ZNF329: variants seen among roughly 807,000 people sequenced by gnomAD.
ZNF329 encodes the protein zinc finger protein 329.
A neutral mutation model predicts 26.6 loss-of-function variants in ZNF329; 15 were observed. The ratio of observed to expected loss-of-function variants is 0.56; its 90% CI spans 0.38 to 0.87. ZNF329 has a LOEUF of 0.87. ZNF329 is among the 40% of genes least tolerant of loss of function. The probability of loss-of-function intolerance (pLI) is 0.00; values close to 1 mark genes in which losing one functional copy is unlikely to be tolerated. For synonymous variants in ZNF329, 239 were observed against 233.5 expected (o/e 1.02, Z -0.21); for missense variants, 651 against 651.9 (o/e 1.00, Z 0.02).
chr19:58,129,950 A>G (rs908511160), intron 3 of ZNF329, among the ~76,000 whole-genome samples: 11 of 152,232 alleles, frequency 7.2e-5, no homozygotes, highest in Non-Finnish European at 1.5e-5. Flanking sequence ...CAGCTCTGTC[A>G]TCAAAGTTCT....
rs1387946468 is a variant in ZNF329 at position 58,128,388 on chromosome 19, C to T, written c.1116G>A (p.Glu372=). Residue 372 remains glutamate, a synonymous_variant, in exon 4 of 4, where the codon GAG becomes GAA. Coordinates refer to ENST00000598312, the MANE Select transcript of ZNF329 (RefSeq NM_024620.4). ...TGAAGGATTTCCCGCACTCTGCACACTCAAAGGGCTTTTCTCCAGTGTGAG... is the reference window on the plus strand; with the variant it reads ...TGAAGGATTTCCCGCACTCTGCACATTCAAAGGGCTTTTCTCCAGTGTGAG... The part of the protein sequence containing the change: ...ERTHTGEKPF[E]CAECGKSFNR... The T allele has an allele frequency of 3.7e-6, 6 of 1,613,982 alleles. No individual in the cohort carries two copies. The Admixed American group carries it at 1.0e-4, about 27-fold the overall frequency.
chr19:58,153,894 G>T (rs1352881639), upstream of ZNF329, among the ~76,000 whole-genome samples: 3 of 151,860 alleles, frequency 2.0e-5, no homozygotes, highest in African/African-American at 7.3e-5. Flanking sequence ...GTACAGATGG[G>T]GTCTCACTAT....
intron 1 of ZNF329, among the ~76,000 whole-genome samples, chr19:58,148,391 TAAAAAA>T (rs1241009357): frequency 9.6e-6 from 1 of 103,844 alleles, no homozygotes; most frequent in Non-Finnish European, 2.0e-5. Flanking sequence ...AATGATCAAT[TAAAAAA>T]AAAAAAAAAA....
chr19:58,146,641 A>C (rs1214167877), intron 1 of ZNF329, among the ~76,000 whole-genome samples: 1 of 150,866 alleles, frequency 6.6e-6, no homozygotes, highest in Admixed American at 6.6e-5. Context: ...GGCTCACTGC[A>C]ACCTCCCTGC....
At chr19:58,147,566 C>T (rs371120005) in intron 1 of ZNF329, among the ~76,000 whole-genome samples, 19,064 of 139,582 alleles carry the variant, frequency 0.14, 1,323 homozygotes, top group Admixed American at 0.18. Context: ...GCCCCCCGCC[C>T]GGCCAGCCGC....
At chr19:58,142,940 T>C (rs281076) in intron 2 of ZNF329, among the ~76,000 whole-genome samples, 165 bp downstream of exon 2, 62,948 of 152,036 alleles carry the variant, frequency 0.41, 13,195 homozygotes, top group South Asian at 0.49. Flanking sequence ...CCCAACCCCA[T>C]TACCTAATCA....
rs141754951 is a variant in ZNF329 at position 58,129,403 on chromosome 19, A to T, written c.101T>A (p.Leu34Ter). Reference sequence around the variant, plus strand: ...GTTCTCACAGTCCCAACCATCACCTAAACTGGACAAGCAGGGAACTTCCCT... The same window carrying T: ...GTTCTCACAGTCCCAACCATCACCTTAACTGGACAAGCAGGGAACTTCCCT... Reference protein sequence around the residue: ...FTREVPCLSSLGDGWDCENQE... With the variant: ...FTREVPCLSS Residue 34 changes from leucine (L) to a stop codon, truncating the protein, a stop_gained, in exon 4 of 4, where the codon TTA (leucine) becomes TAA (stop). Coordinates refer to ENST00000598312, the MANE Select transcript of ZNF329 (RefSeq NM_024620.4). LOFTEE classifies it low-confidence loss of function (END_TRUNC). 1.1e-5 allele frequency: 17 copies of T among 1,614,202 alleles called. No individual in the cohort carries two copies. Among genetic ancestry groups the T allele is most frequent in the Non-Finnish European group, 1.1e-5 (13 of 1,180,026 alleles).
upstream of ZNF329, among the ~76,000 whole-genome samples, chr19:58,152,907 G>A (rs896079299): frequency 6.6e-6 from 1 of 151,988 alleles, no homozygotes; most frequent in African/African-American, 2.4e-5. Flanking sequence ...ACCATATTAA[G>A]CAGATGGGCT....
chr19:58,140,667 G>A (rs897625519), intron 3 of ZNF329, among the ~76,000 whole-genome samples: 19 of 151,088 alleles, frequency 1.3e-4, no homozygotes, highest in Admixed American at 5.3e-4. Context: ...CGCCCACCCC[G>A]GCCTCCCAAA....
At chr19:58,151,308 T>A (rs1194773797), upstream of ZNF329, among the ~76,000 whole-genome samples, 1 of 152,186 alleles carries the variant, frequency 6.6e-6, no homozygotes, top group East Asian at 1.9e-4. Flanking sequence ...AAATATTTAC[T>A]GACAGGGAAG....
intron 1 of ZNF329, among the ~76,000 whole-genome samples, chr19:58,147,320 G>T (rs1232246666): frequency 1.4e-5 from 2 of 147,662 alleles, no homozygotes; most frequent in Admixed American, 1.3e-4. Context: ...CCAGGCAGCC[G>T]CCCCGTCTGA....
chr19:58,154,265 AC>A (rs1392221978), upstream of ZNF329, among the ~76,000 whole-genome samples: 1 of 152,074 alleles, frequency 6.6e-6, no homozygotes, highest in Admixed American at 6.6e-5. Context: ...CGCTTGGGCC[AC>A]CCAAAGTGCC....
At position 58,147,758 on chromosome 19, in the gene ZNF329, G is replaced by A. The variant is rs554101723; in HGVS notation, c.-208+2994C>T. Among the ~76,000 whole-genome samples, 397 of 86,532 alleles carry A rather than the reference G, an allele frequency of 4.6e-3. 4 individuals are homozygous for A. The highest frequency in any genetic ancestry group is 7.2e-3 in the Non-Finnish European group (313 of 43,466). 56.8% of individuals were successfully genotyped at this position (86,532 alleles called of 152,430 possible). A position where few individuals can be genotyped will look rare whatever the true frequency, so the allele number is the denominator to read the frequency against. ...CTCTGCCCGGCCAGCCGCCCCGTCC[G>A]GGAGGGAGGTGGGGGGGGTCAGCCC... On this transcript the variant is annotated intron_variant, in intron 1 of 3. Coordinates refer to ENST00000598312, the MANE Select transcript of ZNF329 (RefSeq NM_024620.4).
At chr19:58,152,542 A>C (rs112159699), upstream of ZNF329, among the ~76,000 whole-genome samples, 4 of 152,204 alleles carry the variant, frequency 2.6e-5, no homozygotes, top group African/African-American at 9.6e-5. Context: ...TATGGAGAAA[A>C]GTCCAACAGT....
chr19:58,150,987 G>A (rs546149125), upstream of ZNF329, among the ~76,000 whole-genome samples: 42 of 152,354 alleles, frequency 2.8e-4, no homozygotes, highest in African/African-American at 9.4e-4. Context: ...TTTTGTTATA[G>A]AGCCTTCCTT....
chr19:58,146,000 G>GAAAAA (rs36035684), intron 1 of ZNF329, among the ~76,000 whole-genome samples: 1 of 123,230 alleles, frequency 8.1e-6, no homozygotes. Flanking sequence ...TCAATTTCAT[G>GAAAAA]AAAAAAAAAA....
At chr19:58,138,602 G>A (rs2075120416) in intron 3 of ZNF329, among the ~76,000 whole-genome samples, 1 of 152,244 alleles carries the variant, frequency 6.6e-6, no homozygotes, top group Non-Finnish European at 1.5e-5. Context: ...CTTCTGGATA[G>A]ACTGGGGCCT....
rs777202448 is a variant in ZNF329, at chr19:58,128,898, T to C, written c.606A>G (p.Gln202=). The C allele has an allele frequency of 9.8e-5, 158 of 1,614,022 alleles. No homozygotes were observed. Among genetic ancestry groups the C allele is most frequent in the Non-Finnish European group, 1.2e-4 (146 of 1,180,030 alleles). Residue 202 remains glutamine (Q), a synonymous_variant, in exon 4 of 4, where the codon CAA becomes CAG. Transcript: ENST00000598312. Reference sequence around the variant, plus strand: ...ATTTGCCACATTCAGTACATCTATATTGTTTCTCTCCAGGGAGATTTCTCT... The same window carrying C: ...ATTTGCCACATTCAGTACATCTATACTGTTTCTCTCCAGGGAGATTTCTCT... ...ENQRNLPGEK[Q]YRCTECGKCF...
intron 1 of ZNF329, among the ~76,000 whole-genome samples, chr19:58,144,396 A>ATTTTTTTTTT: frequency 7.8e-6 from 1 of 127,660 alleles, no homozygotes; most frequent in South Asian, 2.5e-4. Flanking sequence ...ATATATATAT[A>ATTTTTTTTTT]TTTTTTTTTT....
Sources: allele counts gnomAD v4.1 joint callset (sites outside exome capture counted in the v4.1 genomes callset), GRCh38; gene constraint gnomAD v4.1.1; transcripts MANE v1.5; gene names NCBI Gene and HGNC (gene_info 2026-07-23, HGNC 2026-07-21).